Variants in KIF14 observed in about 807,000 individuals in gnomAD.
KIF14 encodes kinesin-like protein KIF14.
In KIF14, 98 loss-of-function variants were observed where a neutral mutation model predicts 176.2. The ratio of observed to expected loss-of-function variants is 0.56; its 90% CI spans 0.47 to 0.66. KIF14 has a LOEUF of 0.66. Ranked by LOEUF, KIF14 falls within the 30% of genes least tolerant of loss-of-function variation. The probability of loss-of-function intolerance (pLI) is 0.00; values close to 1 mark genes in which losing one functional copy is unlikely to be tolerated. For synonymous variants in KIF14, 566 were observed against 632.2 expected (o/e 0.90, Z 1.57); for missense variants, 1,751 against 1,920.4 (o/e 0.91, Z 1.65).
intron 25 of KIF14, among the ~76,000 whole-genome samples, chr1:200,562,217 T>A (rs962439007): frequency 3.0e-4 from 45 of 152,328 alleles, no homozygotes; most frequent in Admixed American, 1.7e-3. Context: ...TAACTTCCCC[T>A]CCAAGTCGCC....
chr1:200,560,982 G>T, intron 25 of KIF14, 102 bp from the exon 26 acceptor site: 2 of 1,105,402 alleles, frequency 1.8e-6, no homozygotes, highest in Admixed American at 2.0e-5. Flanking sequence ...TGTAATTCCA[G>T]CAGTTTGGGA....
chr1:200,618,784 T>G lies in KIF14; in HGVS notation c.-61A>C. On this transcript the variant is annotated 5_prime_UTR_variant, in exon 2 of 30. An upstream start codon of the reference 5' UTR is lost. Transcript: ENST00000367350. ...AAGACCCTAAGCTCTTCTTTGGACA[T>G]TCATTTGATTTCCAGCCATTTCTTA... 2 of 1,316,318 alleles carry G rather than the reference T, an allele frequency of 1.5e-6. No individual in the cohort carries two copies. Among genetic ancestry groups the G allele is most frequent in the South Asian group, 1.5e-5 (1 of 67,530 alleles). The allele number at this position is 1,316,318 out of a possible 1,614,324, so 81.5% of individuals were successfully genotyped here.
intron 14 of KIF14, among the ~76,000 whole-genome samples, chr1:200,595,366 C>G (rs1659278227): frequency 6.6e-6 from 1 of 152,124 alleles, no homozygotes; most frequent in South Asian, 2.1e-4. Flanking sequence ...TTCATTAAGC[C>G]TCCAAGAGCC....
At chr1:200,592,460 C>A (rs976831802) in intron 15 of KIF14, among the ~76,000 whole-genome samples, 2 of 152,254 alleles carry the variant, frequency 1.3e-5, no homozygotes, top group Middle Eastern at 3.4e-3. Context: ...ACTGCAACCT[C>A]GGCCTCACGG....
At chr1:200,563,731 G>A (rs575220933) in intron 25 of KIF14, among the ~76,000 whole-genome samples, 1 of 152,164 alleles carries the variant, frequency 6.6e-6, no homozygotes, top group South Asian at 2.1e-4. Flanking sequence ...TGCATATCAA[G>A]GAATTTTTAA....
chr1:200,570,021 C>A lies in KIF14; in HGVS notation c.3567-16G>T. ...ACTCCTACTCCTGAAAAAAGACAAA[C>A]CATAAGATTAGCAGTTCTATACCAC... On this transcript the variant is annotated splice_polypyrimidine_tract_variant and intron_variant, in intron 22 of 29. Transcript: ENST00000367350. 1 of 1,419,666 alleles carries A rather than the reference C, an allele frequency of 7.0e-7. No individual in the cohort carries two copies. Among genetic ancestry groups the A allele is most frequent in the Non-Finnish European group, 9.9e-7 (1 of 1,014,714 alleles). 87.9% of individuals were successfully genotyped at this position (1,419,666 alleles called of 1,614,324 possible).
At chr1:200,582,067 G>C (rs1326380753) in intron 19 of KIF14, among the ~76,000 whole-genome samples, 3 of 151,984 alleles carry the variant, frequency 2.0e-5, no homozygotes. Context: ...ACCACACCCA[G>C]CTCCTAATTT....
intron 7 of KIF14, 67 bp from the exon 8 acceptor site, chr1:200,605,457 AGAC>A: frequency 9.0e-7 from 1 of 1,110,730 alleles, no homozygotes; most frequent in South Asian, 1.4e-5. Flanking sequence ...AAATTAAGAG[AGAC>A]AACATATACA....
At chr1:200,573,598 G>A (rs1479748058) in intron 22 of KIF14, among the ~76,000 whole-genome samples, 5 of 151,812 alleles carry the variant, frequency 3.3e-5, no homozygotes, top group African/African-American at 1.2e-4. Flanking sequence ...CACCGCGCCC[G>A]GCAAGGAGCT....
intron 27 of KIF14, 74 bp from the exon 28 acceptor site, chr1:200,555,528 C>T: frequency 1.2e-6 from 1 of 817,610 alleles, no homozygotes; most frequent in Non-Finnish European, 1.8e-6. Context: ...TGCATGGGAC[C>T]AGACTTTTAA....
chr1:200,552,135 A>G lies in KIF14; in HGVS notation c.*1253T>C, dbSNP rs1376064733. 1 of 151,816 alleles carries G rather than the reference A, an allele frequency of 6.6e-6. No individual in the cohort carries two copies. Among genetic ancestry groups the G allele is most frequent in the Non-Finnish European group, 1.5e-5 (1 of 67,910 alleles). 9.4% of individuals were successfully genotyped at this position (151,816 alleles called of 1,614,324 possible). A position where few individuals can be genotyped will look rare whatever the true frequency, so the allele number is the denominator to read the frequency against. On this transcript the variant is annotated 3_prime_UTR_variant, in exon 30 of 30. Coordinates refer to ENST00000367350, the MANE Select transcript of KIF14 (RefSeq NM_014875.3). ...TTCGAAAAGGGCAAATGAAAGGATC[A>G]GGTTATTTAAATGAATTCTTCTTTT...
chr1:200,609,004 C>A, intron 4 of KIF14, 76 bp from the exon 5 acceptor site: 1 of 711,844 alleles, frequency 1.4e-6, no homozygotes, highest in Non-Finnish European at 2.4e-6. Flanking sequence ...GAACTAGTAT[C>A]CAAAATATAT....
In KIF14 at chr1:200,598,349, A is replaced by G; in HGVS notation, c.2437T>C (p.Ser813Pro). 1 of 1,613,118 alleles carries G rather than the reference A, an allele frequency of 6.2e-7. No individual in the cohort carries two copies. The highest frequency in any genetic ancestry group is 8.5e-7 in the Non-Finnish European group (1 of 1,179,518). ...LVNLNEDPQLSEMLLYMIKEG... is the reference protein window; with the variant it reads ...LVNLNEDPQLPEMLLYMIKEG... ...TTTATCATATATAGCAGCATCTCAG[A>G]TAGTTGTGGATCTTCATTCAGATTA... The change falls in exon 14 of 30, where the codon TCT becomes CCT. Residue 813 changes from serine to proline, a missense_variant. Ser to Pro is a moderately conservative substitution (Grantham distance 74). Coordinates refer to ENST00000367350, the MANE Select transcript of KIF14 (RefSeq NM_014875.3).
chr1:200,602,553 A>G (rs1248548134), intron 10 of KIF14, among the ~76,000 whole-genome samples: 4 of 152,226 alleles, frequency 2.6e-5, no homozygotes, highest in Admixed American at 2.6e-4. Context: ...TTTAACTTTC[A>G]TAAGACATGA....
At chr1:200,561,569 A>G (rs34486057) in intron 25 of KIF14, among the ~76,000 whole-genome samples, 44,037 of 151,264 alleles carry the variant, frequency 0.29, 7,658 homozygotes, top group Non-Finnish European at 0.4. Flanking sequence ...AGAGAAGAAA[A>G]AAAAAAAAAA....
At chr1:200,586,017 A>T (rs1658718877) in intron 19 of KIF14, 84 bp downstream of exon 19, 2 of 970,898 alleles carry the variant, frequency 2.1e-6, no homozygotes, top group African/African-American at 3.5e-5. Flanking sequence ...ATGTAAAGGC[A>T]ACTAATGCTA....
At chr1:200,606,616 C>CT in intron 6 of KIF14, 130 bp downstream of exon 6, 1 of 805,572 alleles carries the variant, frequency 1.2e-6, no homozygotes, top group Admixed American at 1.8e-5. Flanking sequence ...GGGTAGAAGG[C>CT]TAAATAAATA....
intron 25 of KIF14, 127 bp downstream of exon 25, chr1:200,564,942 G>T: frequency 2.9e-6 from 2 of 694,488 alleles, no homozygotes; most frequent in Non-Finnish European, 4.8e-6. Context: ...CACAGTCTCA[G>T]AACTTCAAAA....
chr1:200,613,562 T>C (rs1660261779), intron 4 of KIF14, among the ~76,000 whole-genome samples: 1 of 152,162 alleles, frequency 6.6e-6, no homozygotes, highest in Non-Finnish European at 1.5e-5. Context: ...ACACCCCTAA[T>C]CTAGCACAAT....
Sources: gnomAD v4.1 joint callset for allele counts (sites outside exome capture counted in the v4.1 genomes callset) on GRCh38, gnomAD v4.1.1 for gene constraint, MANE v1.5 for transcripts, NCBI Gene and HGNC (gene_info 2026-07-23, HGNC 2026-07-21) for gene names.